The following CNTN4 variants were observed in gnomAD, a reference collection of about 807,000 sequenced individuals.
The protein encoded by CNTN4 is contactin 4.
In CNTN4, 77 loss-of-function variants were observed where a neutral mutation model predicts 122.5. That is an observed-to-expected ratio of 0.63 (90% CI 0.52 to 0.76). The LOEUF (loss-of-function observed/expected upper bound fraction) is 0.76, where lower values mean the gene tolerates loss of function less well. Among genes scored for constraint, CNTN4 ranks in the 30% least tolerant of loss-of-function variants. The pLI, the probability that CNTN4 is intolerant of heterozygous loss-of-function variation, is 0.00. For synonymous variants in CNTN4, 512 were observed against 447.0 expected (o/e 1.15, Z -1.83); for missense variants, 1,256 against 1,259.1 (o/e 1.00, Z 0.04).
At chr3:2,848,283 T>C (rs2093489651) in intron 7 of CNTN4, among the ~76,000 whole-genome samples, 2 of 152,282 alleles carry the variant, frequency 1.3e-5, no homozygotes, top group African/African-American at 4.8e-5. Context: ...ATCATGTGTT[T>C]TTCACTTACA....
chr3:2,857,896 G>A (rs766035653), intron 7 of CNTN4, among the ~76,000 whole-genome samples: 2 of 152,134 alleles, frequency 1.3e-5, no homozygotes, highest in Non-Finnish European at 2.9e-5. Flanking sequence ...ACTCATATTA[G>A]CTTATATTTG....
At chr3:2,583,929 T>C (rs1376142867) in intron 4 of CNTN4, among the ~76,000 whole-genome samples, 2 of 152,160 alleles carry the variant, frequency 1.3e-5, no homozygotes, top group Non-Finnish European at 1.5e-5. Flanking sequence ...ATGAACCATA[T>C]TGTTACAGTA....
chr3:2,977,602 A>G (rs1351989789), intron 13 of CNTN4, among the ~76,000 whole-genome samples: 2 of 152,150 alleles, frequency 1.3e-5, no homozygotes, highest in East Asian at 3.9e-4. Context: ...GAGGCTGAGC[A>G]GTGGGCATGG....
intron 4 of CNTN4, among the ~76,000 whole-genome samples, chr3:2,636,418 A>C (rs1191187544): frequency 6.6e-6 from 1 of 152,226 alleles, no homozygotes; most frequent in East Asian, 1.9e-4. Flanking sequence ...ATCATTTTAT[A>C]GAAGTCAGAC....
intron 3 of CNTN4, among the ~76,000 whole-genome samples, chr3:2,517,807 G>C (rs1009682764): frequency 6.6e-6 from 1 of 152,122 alleles, no homozygotes; most frequent in African/African-American, 2.4e-5. Flanking sequence ...CTTGACTCCA[G>C]GGGTGAAAAC....
At chr3:2,287,658 GAAGAA>G (rs1559415344) in intron 2 of CNTN4, among the ~76,000 whole-genome samples, 30 of 31,908 alleles carry the variant, frequency 9.4e-4, no homozygotes, top group African/African-American at 2.3e-3. Flanking sequence ...AGAAGAAGAA[GAAGAA>G]GAAGAAGAAG....
At position 2,571,560 on chromosome 3, in the gene CNTN4, T is replaced by C. The variant is rs1259748549; in HGVS notation, c.55+2T>C. 6.2e-7 allele frequency: 1 copy of C among 1,610,190 alleles called. No homozygotes were observed. Among genetic ancestry groups the C allele is most frequent in the African/African-American group, 1.3e-5 (1 of 74,808 alleles). On this transcript the variant is annotated splice_donor_variant, in intron 4 of 24. Coordinates refer to ENST00000418658, the MANE Select transcript of CNTN4 (RefSeq NM_175607.3). LOFTEE classifies it high-confidence loss of function. The stretch of plus-strand genomic sequence containing the variant: ...AATCATTCATTTTGTGCCTTGCAGG[T>C]AGAGTGTCATTTTAAAACTTTTTGA...
At chr3:2,424,776 C>T (rs571843176) in intron 3 of CNTN4, among the ~76,000 whole-genome samples, 20 of 152,014 alleles carry the variant, frequency 1.3e-4, no homozygotes, top group Non-Finnish European at 2.5e-4. Flanking sequence ...TGTGAGATGG[C>T]GTCTCATTGC....
chr3:2,671,541 T>C (rs1334927806), intron 4 of CNTN4, among the ~76,000 whole-genome samples: 1 of 152,200 alleles, frequency 6.6e-6, no homozygotes, highest in Non-Finnish European at 1.5e-5. Flanking sequence ...TCAAACTTCC[T>C]CCTTTAGCTT....
intron 13 of CNTN4, among the ~76,000 whole-genome samples, chr3:2,926,906 A>C (rs1005168357): frequency 3.3e-5 from 5 of 152,232 alleles, no homozygotes; most frequent in African/African-American, 1.2e-4. Flanking sequence ...TGGCATTCAA[A>C]TTTGTAGCCA....
chr3:2,838,333 G>T (rs567907551), intron 7 of CNTN4, among the ~76,000 whole-genome samples: 1 of 152,064 alleles, frequency 6.6e-6, no homozygotes, highest in African/African-American at 2.4e-5. Flanking sequence ...CTGTATACAG[G>T]TATCTTTAAT....
intron 5 of CNTN4, among the ~76,000 whole-genome samples, chr3:2,743,285 G>A (rs1471367134): frequency 3.3e-5 from 5 of 152,032 alleles, no homozygotes; most frequent in Admixed American, 3.3e-4. Context: ...AAATGTCTAG[G>A]GCAGACAGTC....
At chr3:2,578,960 T>G (rs2079816470) in intron 4 of CNTN4, among the ~76,000 whole-genome samples, 1 of 152,216 alleles carries the variant, frequency 6.6e-6, no homozygotes, top group Admixed American at 6.5e-5. Flanking sequence ...TTTAAGTATT[T>G]AAGTCCATAG....
intron 2 of CNTN4, among the ~76,000 whole-genome samples, chr3:2,192,380 C>A (rs2037616557): frequency 6.6e-6 from 1 of 152,134 alleles, no homozygotes; most frequent in Non-Finnish European, 1.5e-5. Flanking sequence ...TCCACATCCT[C>A]TCCAGCACCT....
At chr3:2,520,748 T>C (rs573788797) in intron 3 of CNTN4, among the ~76,000 whole-genome samples, 23 of 152,206 alleles carry the variant, frequency 1.5e-4, no homozygotes, top group Middle Eastern at 3.4e-3. Flanking sequence ...TTCTATCTGA[T>C]AAAGGAACAG....
At chr3:3,050,592 C>T (rs1183886180) in intron 23 of CNTN4, among the ~76,000 whole-genome samples, 1 of 151,828 alleles carries the variant, frequency 6.6e-6, no homozygotes, top group African/African-American at 2.4e-5. Context: ...GGTGAAACCC[C>T]GTCTCTGCTA....
chr3:2,295,500 C>A (rs2042277594), intron 2 of CNTN4, among the ~76,000 whole-genome samples: 1 of 150,798 alleles, frequency 6.6e-6, no homozygotes, highest in Non-Finnish European at 1.5e-5. Context: ...CTGTTCATAT[C>A]CTTCGCCCAC....
rs192902306 is a variant in CNTN4, at chr3:2,669,819, C to A, written c.56-66396C>A. On this transcript the variant is annotated intron_variant, in intron 4 of 24. Coordinates refer to ENST00000418658, the MANE Select transcript of CNTN4 (RefSeq NM_175607.3). ...CTTTGTTCTCCTTGGTTTCCAAGAACATCTTTATTTCTGCCTTCATTTCGT... is the reference window on the plus strand; with the variant it reads ...CTTTGTTCTCCTTGGTTTCCAAGAAAATCTTTATTTCTGCCTTCATTTCGT... Among the ~76,000 whole-genome samples, 147 of 152,302 alleles carry A rather than the reference C, an allele frequency of 9.7e-4. 2 individuals carry two copies. The East Asian group carries it at 0.024, about 25-fold the overall frequency.
intron 2 of CNTN4, among the ~76,000 whole-genome samples, chr3:2,159,402 T>C (rs1191439118): frequency 6.6e-6 from 1 of 152,186 alleles, no homozygotes. Context: ...TACTCTGACC[T>C]ATATCGGGTT....
Sources: gnomAD v4.1 joint callset for allele counts (sites outside exome capture counted in the v4.1 genomes callset) on GRCh38, gnomAD v4.1.1 for gene constraint, MANE v1.5 for transcripts, NCBI Gene and HGNC (gene_info 2026-07-23, HGNC 2026-07-21) for gene names.